The following CA5A variants were observed in gnomAD, a reference collection of about 807,000 sequenced individuals.
The protein encoded by CA5A is carbonic anhydrase 5A.
In CA5A, 28 loss-of-function variants were observed where a neutral mutation model predicts 37.1. The ratio of observed to expected loss-of-function variants is 0.75; its 90% CI spans 0.56 to 1.03. The LOEUF (loss-of-function observed/expected upper bound fraction) is 1.03. CA5A is among the 50% of genes least tolerant of loss of function. The probability of loss-of-function intolerance (pLI) is 0.00; values close to 1 mark genes in which losing one functional copy is unlikely to be tolerated. For missense variants in CA5A, 444 were observed against 399.9 expected, an observed-to-expected ratio of 1.11 and a Z score of -0.94; for synonymous variants, 171 against 158.4, an observed-to-expected ratio of 1.08 and a Z score of -0.60.
At chr16:87,888,870 G>A (rs894507396) in intron 6 of CA5A, among the ~76,000 whole-genome samples, 7 of 151,750 alleles carry the variant, frequency 4.6e-5, no homozygotes, top group African/African-American at 1.2e-4. Context: ...CTCCTGCCTC[G>A]GCCTCCTGAG....
intron 5 of CA5A, chr16:87,893,540 G>T: frequency 3.4e-6 from 2 of 580,408 alleles, no homozygotes; most frequent in South Asian, 2.8e-5. Context: ...AGCCGTCCAG[G>T]GACTGGCAGG....
intron 2 of CA5A, among the ~76,000 whole-genome samples, chr16:87,907,206 A>T (rs1269490214): frequency 1.3e-5 from 2 of 151,884 alleles, no homozygotes; most frequent in Non-Finnish European, 2.9e-5. Flanking sequence ...CGACAGAGTG[A>T]GACTCTGTCT....
chr16:87,891,562 G>T (rs1425771372), intron 6 of CA5A, among the ~76,000 whole-genome samples: 2 of 152,184 alleles, frequency 1.3e-5, no homozygotes. Context: ...TCGTGTGTCT[G>T]TGTGTGATAG....
At chr16:87,928,515 G>C (rs1036441167) in intron 1 of CA5A, among the ~76,000 whole-genome samples, 2 of 152,060 alleles carry the variant, frequency 1.3e-5, no homozygotes, top group Non-Finnish European at 2.9e-5. Flanking sequence ...GGATTTTACT[G>C]TGTATATTAT....
chr16:87,902,487 G>C lies in CA5A; in HGVS notation c.493C>G (p.Gln165Glu). The stretch of plus-strand genomic sequence containing the variant: ...CCCACGACAGCTTCCTTGTAATTTT[G>C]GTATTTCACAGAATTCCAGTGAACT... ...HLVHWNSVKY[Q>E]NYKEAVVGEN... Residue 165 changes from glutamine to glutamate, a missense_variant, in exon 4 of 7, where the codon CAA becomes GAA. Transcript: ENST00000649794. The C allele has an allele frequency of 1.9e-6, 3 of 1,610,144 alleles. No individual in the cohort carries two copies. Among genetic ancestry groups the C allele is most frequent in the Non-Finnish European group, 2.6e-6 (3 of 1,176,438 alleles).
chr16:87,892,068 A>G (rs2055724917), intron 5 of CA5A, 114 bp from the exon 6 acceptor site: 2 of 986,516 alleles, frequency 2.0e-6, no homozygotes, highest in African/African-American at 1.7e-5. Context: ...TTTCCCCCAG[A>G]TAAGGCCATG....
chr16:87,892,846 G>A, intron 5 of CA5A: 1 of 348,154 alleles, frequency 2.9e-6, no homozygotes, highest in Middle Eastern at 8.1e-4. Context: ...AGTAGAGACA[G>A]GGTCTCACCA....
Position 87,917,885 on chromosome 16 carries a change from T to C in CA5A, c.340+8863A>G, listed in dbSNP as rs538379544. On this transcript the variant is annotated intron_variant, in intron 2 of 6. Transcript: ENST00000649794. ...CTTTAGGAACTAGACTGCCAGTTTA[T>C]GAACTTGTGATGATAAATCACTTTC... Among the ~76,000 whole-genome samples, 5 of 151,920 alleles carry C rather than the reference T, an allele frequency of 3.3e-5. No individual in the cohort carries two copies. In the East Asian group the frequency reaches 9.6e-4, roughly 29 times the overall value.
At chr16:87,905,341 A>G (rs1426099269) in intron 2 of CA5A, among the ~76,000 whole-genome samples, 1 of 152,202 alleles carries the variant, frequency 6.6e-6, no homozygotes, top group Non-Finnish European at 1.5e-5. Context: ...ACACACAATG[A>G]GCAAAGTTTT....
At chr16:87,909,587 C>A (rs1177006174) in intron 2 of CA5A, among the ~76,000 whole-genome samples, 1 of 152,198 alleles carries the variant, frequency 6.6e-6, no homozygotes, top group Non-Finnish European at 1.5e-5. Flanking sequence ...GGGGCGCACG[C>A]ATTTCAGGAA....
At chr16:87,927,971 T>A (rs7500576) in intron 1 of CA5A, among the ~76,000 whole-genome samples, 2 of 151,864 alleles carry the variant, frequency 1.3e-5, no homozygotes, top group Non-Finnish European at 1.5e-5. Flanking sequence ...AACCTCATGC[T>A]AAGAGAAAGC....
intron 2 of CA5A, among the ~76,000 whole-genome samples, chr16:87,924,751 G>C (rs1409599999): frequency 1.3e-5 from 2 of 152,256 alleles, no homozygotes; most frequent in Non-Finnish European, 2.9e-5. Context: ...CGCATGCACA[G>C]CGAGAGGGCA....
intron 2 of CA5A, among the ~76,000 whole-genome samples, chr16:87,922,879 C>A (rs185170695): frequency 1.6e-4 from 25 of 152,360 alleles, no homozygotes; most frequent in Admixed American, 2.6e-4. Flanking sequence ...CATTGGGAGG[C>A]CTCTGTGGCC....
At chr16:87,903,654 A>G (rs1312344761) in intron 3 of CA5A, among the ~76,000 whole-genome samples, 1 of 152,232 alleles carries the variant, frequency 6.6e-6, no homozygotes, top group African/African-American at 2.4e-5. Context: ...TGGGTGTGAG[A>G]TTACAAGCAA....
At chr16:87,917,035 G>C (rs1307773550) in intron 2 of CA5A, among the ~76,000 whole-genome samples, 11 of 151,514 alleles carry the variant, frequency 7.3e-5, no homozygotes, top group Non-Finnish European at 1.0e-4. Context: ...AACCCGGGAG[G>C]CGGAGGTTGC....
At position 87,901,176 on chromosome 16, in the gene CA5A, G is replaced by A. The variant is rs141467070; in HGVS notation, c.618+736C>T. ...ACCCGGGAGGCGGAGGTTGCAGTGA[G>A]CCAAGATCGCGCCACTGCATTCCAG... On this transcript the variant is annotated intron_variant, in intron 5 of 6. Transcript: ENST00000649794. 9.5e-3 allele frequency among the ~76,000 whole-genome samples: 1,446 copies of A among 152,346 alleles called. 26 individuals carry two copies. Among genetic ancestry groups the A allele is most frequent in the African/African-American group, 0.033 (1,364 of 41,578 alleles).
At position 87,929,829 on chromosome 16, in the gene CA5A, G is replaced by A. The variant is rs539428458; in HGVS notation, c.143-2884C>T. On this transcript the variant is annotated intron_variant, in intron 1 of 6. Coordinates refer to ENST00000649794, the MANE Select transcript of CA5A (RefSeq NM_001739.2). ...GGAGCTTGCAGTGAGCCGAGATCGCGCCACCGCACTCCAGCCTGGGCAATA... is the reference window on the plus strand; with the variant it reads ...GGAGCTTGCAGTGAGCCGAGATCGCACCACCGCACTCCAGCCTGGGCAATA... Among the ~76,000 whole-genome samples, 14 of 117,428 alleles carry A rather than the reference G, an allele frequency of 1.2e-4. No homozygotes were observed. In the South Asian group the frequency reaches 1.4e-3, roughly 12 times the overall value. 77.0% of individuals were successfully genotyped at this position (117,428 alleles called of 152,430 possible).
chr16:87,923,546 A>C, intron 2 of CA5A: 1 of 985,252 alleles, frequency 1.0e-6, no homozygotes. Context: ...GAGTAGTATC[A>C]GGATTCCCCT....
chr16:87,923,208 C>T (rs1232178080), intron 2 of CA5A, among the ~76,000 whole-genome samples: 2 of 152,114 alleles, frequency 1.3e-5, no homozygotes, highest in South Asian at 2.1e-4. Context: ...TTTTTTCCCG[C>T]GATGGAGTCT....
Sources: gnomAD v4.1 joint callset for allele counts (sites outside exome capture counted in the v4.1 genomes callset) on GRCh38, gnomAD v4.1.1 for gene constraint, MANE v1.5 for transcripts, NCBI Gene and HGNC (gene_info 2026-07-23, HGNC 2026-07-21) for gene names.